The following IBA57 variants were observed in gnomAD, a reference collection of about 807,000 sequenced individuals.
IBA57 encodes the protein iron-sulfur cluster assembly factor IBA57, also known as iron-sulfur cluster assembly factor IBA57, mitochondrial.
IBA57 carries 20 observed loss-of-function variants against 20.4 expected under a neutral mutation model. That is an observed-to-expected ratio of 0.98 (90% CI 0.69 to 1.42). IBA57 has a LOEUF of 1.42. Among genes scored for constraint, IBA57 ranks in the 40% most tolerant of loss-of-function variants. The probability of loss-of-function intolerance (pLI) is 0.00; values close to 1 mark genes in which losing one functional copy is unlikely to be tolerated. For missense variants in IBA57, 608 were observed against 499.3 expected (o/e 1.22, Z -2.07); for synonymous variants, 310 against 233.9 (o/e 1.33, Z -2.97).
At position 228,174,848 on chromosome 1, in the gene IBA57, C is replaced by T; in HGVS notation, c.498C>T (p.Ser166=). Residue 166 remains serine, a synonymous_variant, in exon 2 of 3, where the codon TCC becomes TCT. Transcript: ENST00000366711. ...ELRVWAVLPS[S]PEACGAASLQ... is the part of the protein sequence containing the mutation. ...GAGTGTGGGCGGTGTTGCCCAGTTC[C>T]CCTGAGGCCTGCGGGGCTGCATCGC... 1 of 1,610,496 alleles carries T rather than the reference C, an allele frequency of 6.2e-7. No individual in the cohort carries two copies. The highest frequency in any genetic ancestry group is 2.2e-5 in the East Asian group (1 of 44,814).
At position 228,175,341 on chromosome 1, in the gene IBA57, TGACTGCCTCAGGACA is replaced by T; in HGVS notation, c.905_919del (p.Ala302_Thr306del). The T allele has an allele frequency of 1.2e-6, 2 of 1,612,992 alleles. No homozygotes were observed. Among genetic ancestry groups the T allele is most frequent in the East Asian group, 4.5e-5 (2 of 44,894 alleles). On this transcript the variant is annotated inframe_deletion, in exon 3 of 3. Transcript: ENST00000366711. ...GGCATCACCCCTGGTGCCACGGTGC[TGACTGCCTCAGGACA>T]GACTGTGGGCAAGTTCAGGGCTGGC...
At position 228,181,885 on chromosome 1, in the gene IBA57, C is replaced by T. The variant is rs768274585; in HGVS notation, c.*6372C>T. ...AAAAAGGGTCTGTCTGGCTATGGGC[C>T]ATGGAGACCCAGGGCAGTGCTCCAC... is the stretch of plus-strand genomic sequence containing the variant. On this transcript the variant is annotated 3_prime_UTR_variant, in exon 3 of 3. Coordinates refer to ENST00000366711, the MANE Select transcript of IBA57 (RefSeq NM_001010867.4). The T allele has an allele frequency of 6.6e-6, 1 of 152,248 alleles. No homozygotes were observed. The highest frequency in any genetic ancestry group is 1.5e-5 in the Non-Finnish European group (1 of 68,066). The allele number at this position is 152,248 out of a possible 1,614,324, so 9.4% of individuals were successfully genotyped here. A position where few individuals can be genotyped will look rare whatever the true frequency, so the allele number is the denominator to read the frequency against.
In IBA57 at chr1:228,166,792, G is replaced by A. The variant is rs369947950; in HGVS notation, c.341+635G>A. ...TGGGTTTCCCTTGCCCAGCTTCCAGGGACCTGGATCCCTGAAACCTCCGCC... is the reference window on the plus strand; with the variant it reads ...TGGGTTTCCCTTGCCCAGCTTCCAGAGACCTGGATCCCTGAAACCTCCGCC... On this transcript the variant is annotated intron_variant, in intron 1 of 2. Coordinates refer to ENST00000366711, the MANE Select transcript of IBA57 (RefSeq NM_001010867.4). Among the ~76,000 whole-genome samples the A allele has an allele frequency of 1.0e-3, 155 of 152,312 alleles. 3 individuals carry two copies. In the South Asian group the frequency reaches 0.031, roughly 31 times the overall value.
intron 1 of IBA57, chr1:228,171,641 A>G: frequency 6.5e-6 from 1 of 153,508 alleles, no homozygotes. Context: ...CTCTTGACTG[A>G]TGGACCCATG....
chr1:228,173,406 C>CCCG lies in IBA57; in HGVS notation c.342-1284_342-1283insGCC, dbSNP rs1558125413. The CCCG allele has an allele frequency of 1.5e-5, 2 of 136,458 alleles. 1 individual carries two copies. The highest frequency in any genetic ancestry group is 4.3e-4 in the East Asian group (2 of 4,698). The allele number at this position is 136,458 out of a possible 1,614,324, so 8.5% of individuals were successfully genotyped here. On this transcript the variant is annotated intron_variant, in intron 1 of 2. Coordinates refer to ENST00000366711, the MANE Select transcript of IBA57 (RefSeq NM_001010867.4). ...CAGGTGTCTCCACTTAGTGCCCCCC[C>CCCG]CCCCGACATGCCCCACGCTGCCCAG...
rs189118054 is a variant in IBA57 at position 228,170,273 on chromosome 1, C to T, written c.341+4116C>T. On this transcript the variant is annotated intron_variant, in intron 1 of 2. Coordinates refer to ENST00000366711, the MANE Select transcript of IBA57 (RefSeq NM_001010867.4). The surrounding 1 kb of genome is among the most constrained non-coding windows in gnomAD (Gnocchi z 4.8). Reference sequence around the variant, plus strand: ...CATATTGGTTGCTTCCAAGTTTTGGCAATTATGGATAAAGCTGCTGTAAAC... The same window carrying T: ...CATATTGGTTGCTTCCAAGTTTTGGTAATTATGGATAAAGCTGCTGTAAAC... Among the ~76,000 whole-genome samples, 14 of 152,332 alleles carry T rather than the reference C, an allele frequency of 9.2e-5. No homozygotes were observed. Among genetic ancestry groups the T allele is most frequent in the Non-Finnish European group, 1.5e-4 (10 of 68,034 alleles).
Position 228,181,548 on chromosome 1 carries a change from G to A in IBA57, c.*6035G>A, listed in dbSNP as rs977408083. 1 of 152,292 alleles carries A rather than the reference G, an allele frequency of 6.6e-6. No individual in the cohort carries two copies. The highest frequency in any genetic ancestry group is 6.5e-5 in the Admixed American group (1 of 15,286). The allele number at this position is 152,292 out of a possible 1,614,324, so 9.4% of individuals were successfully genotyped here. On this transcript the variant is annotated 3_prime_UTR_variant, in exon 3 of 3. Coordinates refer to ENST00000366711, the MANE Select transcript of IBA57 (RefSeq NM_001010867.4). Reference sequence around the variant, plus strand: ...AGCTGGGAATAAGGAATGTTTGCCTGTTCTTATTCAGGGGTCTCTGCATCT... The same window carrying A: ...AGCTGGGAATAAGGAATGTTTGCCTATTCTTATTCAGGGGTCTCTGCATCT...
At position 228,176,745 on chromosome 1, in the gene IBA57, A is replaced by ATGGCGGTT. The variant is rs1429515494; in HGVS notation, c.*1234_*1241dup. On this transcript the variant is annotated 3_prime_UTR_variant, in exon 3 of 3. Transcript: ENST00000366711. ...AGGTGCTCTCTAGAAATCTGCAGCCATGGCGGTTTTGGGGTCAGGGGTCTA... is the reference window on the plus strand; with the variant it reads ...AGGTGCTCTCTAGAAATCTGCAGCCATGGCGGTTTGGCGGTTTTGGGGTCAGGGGTCTA... The ATGGCGGTT allele has an allele frequency of 9.2e-5, 14 of 152,508 alleles. No individual in the cohort carries two copies. The highest frequency in any genetic ancestry group is 3.1e-4 in the African/African-American group (13 of 41,590). The allele number at this position is 152,508 out of a possible 1,614,324, so 9.4% of individuals were successfully genotyped here.
chr1:228,171,946 TA>T (rs2034934132), intron 1 of IBA57: 1 of 152,214 alleles, frequency 6.6e-6, no homozygotes, highest in Non-Finnish European at 1.5e-5. Flanking sequence ...CTATAGATTT[TA>T]AAAATACAAA....
At chr1:228,174,234 T>C (rs1390247956) in intron 1 of IBA57, among the ~76,000 whole-genome samples, 58 of 138 alleles carry the variant, frequency 0.42, no homozygotes, top group African/African-American at 0.48. Flanking sequence ...GCTGTGGGCG[T>C]GGCTCGCTGT....
chr1:228,175,619 G>A lies in IBA57; in HGVS notation c.*106G>A. ...ATCTGTCTGCTGCGCCTACTGGGTGGGAGCCCTGGTTTCCATCTGGGAAAG... is the reference window on the plus strand; with the variant it reads ...ATCTGTCTGCTGCGCCTACTGGGTGAGAGCCCTGGTTTCCATCTGGGAAAG... On this transcript the variant is annotated 3_prime_UTR_variant, in exon 3 of 3. Coordinates refer to ENST00000366711, the MANE Select transcript of IBA57 (RefSeq NM_001010867.4). The A allele has an allele frequency of 1.4e-6, 2 of 1,391,536 alleles. No homozygotes were observed. The highest frequency in any genetic ancestry group is 1.9e-6 in the Non-Finnish European group (2 of 1,051,942). 86.2% of individuals were successfully genotyped at this position (1,391,536 alleles called of 1,614,324 possible).
chr1:228,172,025 TTCCTC>T (rs780548815), intron 1 of IBA57: 5 of 152,140 alleles, frequency 3.3e-5, no homozygotes, highest in Non-Finnish European at 7.3e-5. Context: ...CCTGCTGCCT[TTCCTC>T]TTGTAGTGCT....
intron 1 of IBA57, chr1:228,173,405 C>CCCA (rs932236311): frequency 7.4e-6 from 1 of 135,018 alleles, no homozygotes; most frequent in Non-Finnish European, 1.7e-5. Context: ...TAGTGCCCCC[C>CCCA]CCCCCGACAT....
rs2034847907 is a variant in IBA57 at position 228,166,097 on chromosome 1, C to T, written c.281C>T (p.Ala94Val). Reference sequence around the variant, plus strand: ...GCGGGGGCCCCGCCTGCTGCGCGCGCGGGCTACGCCCACTTCCTGAACGTG... The same window carrying T: ...GCGGGGGCCCCGCCTGCTGCGCGCGTGGGCTACGCCCACTTCCTGAACGTG... ...AAAGAPPAAR[A>V]GYAHFLNVQG... The change falls in exon 1 of 3, where the codon GCG becomes GTG. Residue 94 changes from alanine to valine, a missense_variant. Ala to Val is a moderately conservative substitution (Grantham distance 64, BLOSUM62 0). Coordinates refer to ENST00000366711, the MANE Select transcript of IBA57 (RefSeq NM_001010867.4). 5 of 1,537,496 alleles carry T rather than the reference C, an allele frequency of 3.3e-6. No individual in the cohort carries two copies. The highest frequency in any genetic ancestry group is 4.4e-6 in the Non-Finnish European group (5 of 1,144,276).
chr1:228,166,151 T>G lies in IBA57; in HGVS notation c.335T>G (p.Leu112Trp), dbSNP rs775646159. The G allele has an allele frequency of 2.1e-5, 32 of 1,500,946 alleles. No homozygotes were observed. The highest frequency in any genetic ancestry group is 2.8e-5 in the Non-Finnish European group (32 of 1,123,504). 93.0% of individuals were successfully genotyped at this position (1,500,946 alleles called of 1,614,324 possible). A position where few individuals can be genotyped will look rare whatever the true frequency, so the allele number is the denominator to read the frequency against. The change falls in exon 1 of 3, where the codon TTG (leucine) becomes TGG (tryptophan). Residue 112 changes from leucine to tryptophan, a missense_variant. Transcript: ENST00000366711. The part of the protein sequence containing the change: ...VQGRTLYDVI[L>W]YGLQEHSEVS... Reference sequence around the variant, plus strand: ...GGCCGGACGCTCTATGACGTCATCTTGTACGGGTGAGCGCGTGCTGGGAGG... The same window carrying G: ...GGCCGGACGCTCTATGACGTCATCTGGTACGGGTGAGCGCGTGCTGGGAGG...
chr1:228,167,901 A>C (rs1421418906), intron 1 of IBA57, among the ~76,000 whole-genome samples: 3 of 152,190 alleles, frequency 2.0e-5, no homozygotes, highest in African/African-American at 7.2e-5. Flanking sequence ...CTTCTATGTT[A>C]GTACTTTGCT....
Position 228,180,089 on chromosome 1 carries a change from G to A in IBA57, c.*4576G>A, listed in dbSNP as rs2124980561. On this transcript the variant is annotated 3_prime_UTR_variant, in exon 3 of 3. Coordinates refer to ENST00000366711, the MANE Select transcript of IBA57 (RefSeq NM_001010867.4). Reference sequence around the variant, plus strand: ...GAGAATCACTTGAACCCAGGAGGCAGAGGTTGCAGTGAGCCAAGATTGTGC... The same window carrying A: ...GAGAATCACTTGAACCCAGGAGGCAAAGGTTGCAGTGAGCCAAGATTGTGC... 7.3e-6 allele frequency: 1 copy of A among 137,700 alleles called. No homozygotes were observed. The highest frequency in any genetic ancestry group is 2.3e-4 in the East Asian group (1 of 4,348). 8.5% of individuals were successfully genotyped at this position (137,700 alleles called of 1,614,324 possible).
Position 228,175,506 on chromosome 1 carries a change from C to T in IBA57, c.1064C>T (p.Ser355Phe). 1.3e-6 allele frequency: 2 copies of T among 1,559,926 alleles called. No homozygotes were observed. Among genetic ancestry groups the T allele is most frequent in the Non-Finnish European group, 1.7e-6 (2 of 1,151,538 alleles). ...GTGCCAGACTGGTGGCCTACAGTCT[C>T]CAAGTAGTCCGAAGCCTTGGCTGGC... ...ASVPDWWPTV[S>F]K is the part of the protein sequence containing the mutation. The change falls in exon 3 of 3, where the codon TCC (serine) becomes TTC (phenylalanine). Residue 355 changes from serine (S) to phenylalanine (F), a missense_variant. By Grantham distance (155) the Ser-to-Phe change is radical. Coordinates refer to ENST00000366711, the MANE Select transcript of IBA57 (RefSeq NM_001010867.4).
Position 228,174,779 on chromosome 1 carries a change from C to T in IBA57, c.429C>T (p.Tyr143=), listed in dbSNP as rs746861552. The T allele has an allele frequency of 1.2e-6, 2 of 1,610,820 alleles. No homozygotes were observed. Among genetic ancestry groups the T allele is most frequent in the South Asian group, 2.2e-5 (2 of 90,900 alleles). Residue 143 remains tyrosine (Y), a synonymous_variant, in exon 2 of 3, where the codon TAC becomes TAT. Transcript: ENST00000366711. Reference sequence around the variant, plus strand: ...CGCTGCAGAAGCACCTCGCGCTATACAGGATCCGGCGGAAGGTCACGGTGG... The same window carrying T: ...CGCTGCAGAAGCACCTCGCGCTATATAGGATCCGGCGGAAGGTCACGGTGG... ...QGALQKHLAL[Y]RIRRKVTVEP... is the part of the protein sequence containing the mutation.
Sources: allele counts gnomAD v4.1 joint callset (sites outside exome capture counted in the v4.1 genomes callset), GRCh38; gene constraint gnomAD v4.1.1; non-coding constraint Gnocchi (gnomAD v3.1); transcripts MANE v1.5; gene names NCBI Gene and HGNC (gene_info 2026-07-23, HGNC 2026-07-21).